TMTC4: variants seen among roughly 807,000 people sequenced by gnomAD.
The protein encoded by TMTC4 is protein O-mannosyl-transferase TMTC4.
A neutral mutation model predicts 86.0 loss-of-function variants in TMTC4; 65 were observed. The ratio of observed to expected loss-of-function variants is 0.76; its 90% CI spans 0.62 to 0.93. The LOEUF (loss-of-function observed/expected upper bound fraction) is 0.93. Among genes scored for constraint, TMTC4 ranks in the 40% least tolerant of loss-of-function variants. The pLI, the probability that TMTC4 is intolerant of heterozygous loss-of-function variation, is 0.00. For missense variants in TMTC4, 866 were observed against 948.1 expected (o/e 0.91, Z 1.14); for synonymous variants, 379 against 382.5 (o/e 0.99, Z 0.11).
At chr13:100,608,349 G>C (rs1487988747) in intron 17 of TMTC4, among the ~76,000 whole-genome samples, 3 of 152,196 alleles carry the variant, frequency 2.0e-5, no homozygotes, top group Non-Finnish European at 4.4e-5. Context: ...AGGGTGAGGA[G>C]GAGGCCAGTG....
At chr13:100,671,283 C>G (rs1454013834) in intron 1 of TMTC4, among the ~76,000 whole-genome samples, 1 of 152,116 alleles carries the variant, frequency 6.6e-6, no homozygotes, top group African/African-American at 2.4e-5. Flanking sequence ...TAGGAGTGTG[C>G]CACTGAGCCT....
chr13:100,626,185 A>T (rs1261138811), intron 12 of TMTC4, 35 bp from the exon 13 acceptor site: 2 of 1,604,196 alleles, frequency 1.2e-6, no homozygotes, highest in Non-Finnish European at 1.7e-6. Flanking sequence ...ATCAGCAGAC[A>T]GACTTCTTGT....
At chr13:100,615,378 C>T (rs940543557) in intron 15 of TMTC4, among the ~76,000 whole-genome samples, 5 of 152,048 alleles carry the variant, frequency 3.3e-5, no homozygotes, top group Admixed American at 2.0e-4. Flanking sequence ...ACCTTGTGAT[C>T]GATCTGCCTG....
intron 17 of TMTC4, among the ~76,000 whole-genome samples, chr13:100,607,181 C>T (rs1040283473): frequency 2.6e-5 from 4 of 152,164 alleles, no homozygotes; most frequent in African/African-American, 9.7e-5. Flanking sequence ...GGACGCTGTT[C>T]ACTCCATCCA....
chr13:100,674,855 A>AC (rs1300381097), upstream of TMTC4: 998 of 942,992 alleles, frequency 1.1e-3, 1 homozygote, highest in African/African-American at 3.8e-3. Flanking sequence ...CGCGCACCCG[A>AC]CCCCCCCCGC....
chr13:100,668,817 T>C (rs1197725848), intron 2 of TMTC4, 23 bp from the exon 3 acceptor site: 1 of 1,611,492 alleles, frequency 6.2e-7, no homozygotes, highest in Non-Finnish European at 8.5e-7. Context: ...CAACACTGTA[T>C]AAATATTCAT....
At chr13:100,625,453 T>G in intron 15 of TMTC4, 82 bp downstream of exon 15, 1 of 1,540,710 alleles carries the variant, frequency 6.5e-7, no homozygotes, top group Non-Finnish European at 8.9e-7. Context: ...ATGGGCTAGG[T>G]GGGTGTCACT....
intron 12 of TMTC4, among the ~76,000 whole-genome samples, chr13:100,627,676 C>A (rs569543552): frequency 7.9e-5 from 12 of 152,234 alleles, no homozygotes; most frequent in South Asian, 2.1e-4. Flanking sequence ...CTGCAACAAC[C>A]CTATTTCCAA....
chr13:100,606,662 AC>A (rs1421793475), intron 17 of TMTC4, among the ~76,000 whole-genome samples: 2 of 152,166 alleles, frequency 1.3e-5, no homozygotes, highest in African/African-American at 4.8e-5. Flanking sequence ...CGTGAGTGCC[AC>A]CACCTGCCTC....
At chr13:100,644,724 T>C (rs947640211) in intron 6 of TMTC4, among the ~76,000 whole-genome samples, 5 of 152,234 alleles carry the variant, frequency 3.3e-5, no homozygotes, top group African/African-American at 9.6e-5. Flanking sequence ...TTGGCTATTA[T>C]AGCTGAGGCA....
intron 6 of TMTC4, among the ~76,000 whole-genome samples, chr13:100,648,870 C>T (rs1413818161): frequency 3.3e-5 from 5 of 151,944 alleles, no homozygotes; most frequent in Admixed American, 6.6e-5. Context: ...TTATTTTTGT[C>T]GAGAAAGGGG....
chr13:100,636,798 A>G (rs1882287209), intron 9 of TMTC4, 64 bp from the exon 10 acceptor site: 14 of 1,543,508 alleles, frequency 9.1e-6, no homozygotes, highest in Non-Finnish European at 1.2e-5. Flanking sequence ...ATATATACGC[A>G]CTAACTTCAC....
At chr13:100,634,667 A>G in intron 12 of TMTC4, 138 bp downstream of exon 12, 3 of 1,120,500 alleles carry the variant, frequency 2.7e-6, no homozygotes, top group South Asian at 4.3e-5. Flanking sequence ...AAAAAACCAT[A>G]CATAACAAAG....
intron 6 of TMTC4, among the ~76,000 whole-genome samples, chr13:100,646,323 G>A (rs1036672847): frequency 1.3e-5 from 2 of 152,208 alleles, no homozygotes; most frequent in African/African-American, 4.8e-5. Flanking sequence ...TTCAGTGAGT[G>A]AAGTGACTAT....
chr13:100,632,043 A>ACT (rs1881466304), intron 12 of TMTC4, among the ~76,000 whole-genome samples: 2 of 67,722 alleles, frequency 3.0e-5, no homozygotes, highest in African/African-American at 8.8e-5. Context: ...ACACACACAC[A>ACT]CACACACACA....
At chr13:100,655,016 A>ATTTTTTTTTTTTTTT (rs35965658) in intron 6 of TMTC4, among the ~76,000 whole-genome samples, 1 of 118,656 alleles carries the variant, frequency 8.4e-6, no homozygotes, top group Non-Finnish European at 1.7e-5. Flanking sequence ...CACAACGCCT[A>ATTTTTTTTTTTTTTT]TTTTTTTTTT....
chr13:100,616,395 C>G (rs1448338312), intron 15 of TMTC4, among the ~76,000 whole-genome samples: 1 of 151,960 alleles, frequency 6.6e-6, no homozygotes, highest in Non-Finnish European at 1.5e-5. Context: ...TAGAGATGGG[C>G]TTTCACCATC....
upstream of TMTC4, chr13:100,674,858 C>G: frequency 1.0e-6 from 1 of 974,498 alleles, no homozygotes; most frequent in Non-Finnish European, 1.2e-6. Context: ...GCACCCGACC[C>G]CCCCCGCGCC....
intron 1 of TMTC4, among the ~76,000 whole-genome samples, chr13:100,670,915 C>T (rs1262180311): frequency 6.6e-6 from 1 of 152,198 alleles, no homozygotes; most frequent in Non-Finnish European, 1.5e-5. Flanking sequence ...GATCACACCT[C>T]GGCTCTACAG....
Sources: allele counts gnomAD v4.1 joint callset (sites outside exome capture counted in the v4.1 genomes callset), GRCh38; gene constraint gnomAD v4.1.1; transcripts MANE v1.5; gene names NCBI Gene and HGNC (gene_info 2026-07-23, HGNC 2026-07-21).